The following CNGA3 variants were observed in gnomAD, a reference collection of about 807,000 sequenced individuals.
CNGA3 encodes cyclic nucleotide gated channel subunit alpha 3, also known as cyclic nucleotide-gated channel alpha-3.
In CNGA3, 42 loss-of-function variants were observed where a neutral mutation model predicts 46.6. The ratio of observed to expected loss-of-function variants is 0.90; its 90% CI spans 0.70 to 1.17. The LOEUF (loss-of-function observed/expected upper bound fraction) is 1.17, where lower values mean the gene tolerates loss of function less well. Among genes scored for constraint, CNGA3 ranks in the 50% most tolerant of loss-of-function variants. The pLI is 0.00. For missense variants in CNGA3, 893 were observed against 890.7 expected (o/e 1.00, Z -0.03); for synonymous variants, 394 against 369.4 (o/e 1.07, Z -0.76).
Position 98,368,138 on chromosome 2 carries a change from C to G in CNGA3, c.-37-1801C>G, listed in dbSNP as rs75308359. ...TATTGAGAAAACCAGAATATTTAAA[C>G]TCATAGACTTAAACTATCAAACATC... On this transcript the variant is annotated intron_variant, in intron 1 of 7. Transcript: ENST00000272602. 8.8e-4 allele frequency among the ~76,000 whole-genome samples: 134 copies of G among 152,342 alleles called. 4 individuals are homozygous for G. In the East Asian group the frequency reaches 0.024, roughly 28 times the overall value.
chr2:98,367,285 C>A (rs934089107), intron 1 of CNGA3, among the ~76,000 whole-genome samples: 1 of 151,442 alleles, frequency 6.6e-6, no homozygotes. Context: ...AGCTCCGCCT[C>A]CCGGGTTCAC....
chr2:98,378,258 T>G (rs1486019390), intron 3 of CNGA3: 20 of 1,529,846 alleles, frequency 1.3e-5, no homozygotes, highest in Non-Finnish European at 1.6e-5. Context: ...TTTGCAAGAT[T>G]AGTGAGACTC....
intron 5 of CNGA3, among the ~76,000 whole-genome samples, chr2:98,385,475 T>TA (rs1692632443): frequency 6.6e-6 from 1 of 152,218 alleles, no homozygotes; most frequent in Non-Finnish European, 1.5e-5. Flanking sequence ...CACTTCATGC[T>TA]AACCATGGAA....
chr2:98,351,357 A>G (rs992528055), intron 1 of CNGA3, among the ~76,000 whole-genome samples: 4 of 152,182 alleles, frequency 2.6e-5, no homozygotes, highest in Non-Finnish European at 5.9e-5. Flanking sequence ...TCATCGGGGC[A>G]GGCCTTTCCC....
intron 1 of CNGA3, among the ~76,000 whole-genome samples, chr2:98,348,158 G>C (rs1691686591): frequency 6.6e-6 from 1 of 152,214 alleles, no homozygotes. Context: ...TCGCACCAAT[G>C]CCCAAACACC....
chr2:98,360,570 A>T (rs1304889661), intron 1 of CNGA3, among the ~76,000 whole-genome samples: 1 of 152,246 alleles, frequency 6.6e-6, no homozygotes, highest in Non-Finnish European at 1.5e-5. Context: ...AGCTTCTAGC[A>T]TATTGCCTGG....
intron 3 of CNGA3, 189 bp from the exon 4 acceptor site, chr2:98,379,986 A>G (rs1247674632): frequency 1.5e-6 from 1 of 664,150 alleles, no homozygotes; most frequent in East Asian, 2.7e-5. Flanking sequence ...AACGGTCCCC[A>G]TGGGGCAGAG....
chr2:98,375,240 G>A (rs1206741633), intron 2 of CNGA3, among the ~76,000 whole-genome samples: 1 of 152,234 alleles, frequency 6.6e-6, no homozygotes, highest in Non-Finnish European at 1.5e-5. Flanking sequence ...GTCTCAGGAT[G>A]TGCCCTCATG....
chr2:98,378,684 T>C (rs1482309896), intron 3 of CNGA3, among the ~76,000 whole-genome samples: 2 of 152,218 alleles, frequency 1.3e-5, no homozygotes, highest in Non-Finnish European at 2.9e-5. Context: ...AGAGCTGTCT[T>C]AAGGTTCTTT....
chr2:98,379,173 G>A (rs559249214), intron 3 of CNGA3, among the ~76,000 whole-genome samples: 86 of 152,354 alleles, frequency 5.6e-4, no homozygotes, highest in Non-Finnish European at 9.1e-4. Flanking sequence ...CTCCAAATAT[G>A]TCTGCGGCAG....
At chr2:98,352,926 G>A (rs529781192) in intron 1 of CNGA3, among the ~76,000 whole-genome samples, 71 of 152,184 alleles carry the variant, frequency 4.7e-4, no homozygotes, top group Non-Finnish European at 6.0e-4. Flanking sequence ...AGCAATGCAG[G>A]GATTGGGGTG....
Position 98,391,875 on chromosome 2 carries a change from A to G in CNGA3, c.578A>G (p.Asp193Gly). 1 of 1,614,126 alleles carries G rather than the reference A, an allele frequency of 6.2e-7. No homozygotes were observed. Among genetic ancestry groups the G allele is most frequent in the Non-Finnish European group, 8.5e-7 (1 of 1,179,986 alleles). The part of the protein sequence containing the change: ...WYLLICRACF[D>G]ELQSEYLMLW... Reference sequence around the variant, plus strand: ...CATGGCTTCTTTAGGGCCTGTTTCGATGAGCTGCAGTCCGAGTACCTGATG... The same window carrying G: ...CATGGCTTCTTTAGGGCCTGTTTCGGTGAGCTGCAGTCCGAGTACCTGATG... The change falls in exon 7 of 8, where the codon GAT (aspartate) becomes GGT (glycine). Residue 193 changes from aspartate to glycine, a missense_variant. By Grantham distance (94) the Asp-to-Gly change is moderately conservative. Coordinates refer to ENST00000272602, the MANE Select transcript of CNGA3 (RefSeq NM_001298.3).
chr2:98,359,879 G>T (rs60400559), intron 1 of CNGA3, among the ~76,000 whole-genome samples: 34,068 of 152,184 alleles, frequency 0.22, 4,331 homozygotes, highest in Admixed American at 0.37. Context: ...CCAGTTGAAA[G>T]CCTCTTGGAC....
chr2:98,351,980 G>A (rs987536236), intron 1 of CNGA3, among the ~76,000 whole-genome samples: 2 of 152,118 alleles, frequency 1.3e-5, no homozygotes, highest in Non-Finnish European at 2.9e-5. Flanking sequence ...ACTGTCAAAA[G>A]GGACCCCGTA....
intron 1 of CNGA3, among the ~76,000 whole-genome samples, chr2:98,357,073 C>T (rs150010918): frequency 2.3e-4 from 35 of 152,316 alleles, no homozygotes; most frequent in Middle Eastern, 3.4e-3. Flanking sequence ...ATTTATCACA[C>T]GCTCTACTAC....
At chr2:98,393,113 A>G (rs1217387581) in intron 7 of CNGA3, among the ~76,000 whole-genome samples, 2 of 152,038 alleles carry the variant, frequency 1.3e-5, no homozygotes, top group Non-Finnish European at 2.9e-5. Flanking sequence ...AAAAAGAAAA[A>G]ATTAGCTGGA....
chr2:98,354,581 T>C (rs1230665595), intron 1 of CNGA3, among the ~76,000 whole-genome samples: 1 of 152,166 alleles, frequency 6.6e-6, no homozygotes, highest in African/African-American at 2.4e-5. Flanking sequence ...GCCTAGGAGT[T>C]TGAGACCAGC....
intron 5 of CNGA3, among the ~76,000 whole-genome samples, chr2:98,385,288 G>A (rs558685206): frequency 2.6e-5 from 4 of 152,220 alleles, no homozygotes; most frequent in Non-Finnish European, 4.4e-5. Context: ...AGACTCCAGT[G>A]CCTGAAAAGA....
intron 1 of CNGA3, among the ~76,000 whole-genome samples, chr2:98,349,810 G>C (rs546292453): frequency 6.6e-6 from 1 of 152,212 alleles, no homozygotes; most frequent in Non-Finnish European, 1.5e-5. Context: ...AGCTGTTGCT[G>C]TGACTGATGC....
Sources: gnomAD v4.1 joint callset for allele counts (sites outside exome capture counted in the v4.1 genomes callset) on GRCh38, gnomAD v4.1.1 for gene constraint, MANE v1.5 for transcripts, NCBI Gene and HGNC (gene_info 2026-07-23, HGNC 2026-07-21) for gene names.